Variants in DMD observed in about 807,000 individuals in gnomAD.
DMD encodes mutant dystrophin.
In DMD, 63 loss-of-function variants were observed where a neutral mutation model predicts 330.1. That is an observed-to-expected ratio of 0.19 (90% CI 0.16 to 0.24). The LOEUF (loss-of-function observed/expected upper bound fraction) is 0.24, where lower values mean the gene tolerates loss of function less well. Among genes scored for constraint, DMD ranks in the 10% least tolerant of loss-of-function variants. DMD has a pLI of 1.00. For synonymous variants in DMD, 1,223 were observed against 959.8 expected, an observed-to-expected ratio of 1.27 and a Z score of -5.07; for missense variants, 3,344 against 2,684.1, an observed-to-expected ratio of 1.25 and a Z score of -5.43.
Position 32,732,632 on chromosome X carries a change from T to G in DMD, c.650-33339A>C, listed in dbSNP as rs778437851. On this transcript the variant is annotated intron_variant, in intron 7 of 78. Transcript: ENST00000357033. The stretch of plus-strand genomic sequence containing the variant: ...TCAACATTCTTAAAGAAAAGAATTT[T>G]CAACCCAGAATTTCACATCCAGGCA... Among the ~76,000 whole-genome samples the G allele has an allele frequency of 2.0e-3, 219 of 111,229 alleles. 2 individuals carry two copies. The highest frequency in any genetic ancestry group is 1.8e-3 in the Non-Finnish European group (95 of 53,078).
intron 7 of DMD, among the ~76,000 whole-genome samples, chrX:32,708,963 A>T (rs573498905): frequency 2.7e-5 from 3 of 112,345 alleles, no homozygotes; most frequent in African/African-American, 9.7e-5. Flanking sequence ...CTGAAAACTG[A>T]AACCAGTGGA....
intron 50 of DMD, among the ~76,000 whole-genome samples, chrX:31,805,891 T>G (rs2092275792): frequency 8.9e-6 from 1 of 112,385 alleles, no homozygotes; most frequent in African/African-American, 3.2e-5. Context: ...TGACTAGTAT[T>G]TATCTAAAAC....
intron 52 of DMD, among the ~76,000 whole-genome samples, chrX:31,723,383 A>G (rs1224572540): frequency 5.4e-5 from 6 of 110,657 alleles, no homozygotes. Context: ...CCTTATCCTG[A>G]GTTTGTCTCT....
intron 26 of DMD, among the ~76,000 whole-genome samples, chrX:32,450,197 A>G (rs1467067197): frequency 9.0e-6 from 1 of 110,752 alleles, no homozygotes; most frequent in African/African-American, 3.3e-5. Context: ...CCTGCATACA[A>G]TGCGGTGGTT....
At chrX:31,233,713 A>G (rs927822977) in intron 63 of DMD, among the ~76,000 whole-genome samples, 6 of 111,681 alleles carry the variant, frequency 5.4e-5, no homozygotes, top group African/African-American at 2.0e-4. Flanking sequence ...AATTTTCCTA[A>G]AGGCTACCTT....
In DMD at chrX:32,775,930, G is replaced by T. The variant is rs765468046; in HGVS notation, c.649+33563C>A. Among the ~76,000 whole-genome samples the T allele has an allele frequency of 8.0e-5, 9 of 112,324 alleles. No individual in the cohort carries two copies. In the East Asian group the frequency reaches 2.5e-3, roughly 31 times the overall value. ...TGCTCTGCTTTCCTTTTAAAGAAAA[G>T]TTCCCATTTCAGATAATCTCTCTGT... On this transcript the variant is annotated intron_variant, in intron 7 of 78. Transcript: ENST00000357033.
At chrX:32,778,697 A>G (rs1327813575) in intron 7 of DMD, among the ~76,000 whole-genome samples, 2 of 111,434 alleles carry the variant, frequency 1.8e-5, no homozygotes, top group East Asian at 5.6e-4. Context: ...CCATTCTTCA[A>G]AGCGAACAAC....
At chrX:33,149,228 G>C (rs1236258322) in intron 1 of DMD, among the ~76,000 whole-genome samples, 2 of 111,469 alleles carry the variant, frequency 1.8e-5, no homozygotes, top group Non-Finnish European at 3.8e-5. Flanking sequence ...ATCTGGGCAT[G>C]ACGGGAGACA....
chrX:32,797,566 C>A (rs2076265971), intron 7 of DMD, among the ~76,000 whole-genome samples: 1 of 111,983 alleles, frequency 8.9e-6, no homozygotes, highest in Non-Finnish European at 1.9e-5. Flanking sequence ...TCATGTATTC[C>A]TTCATAGCTG....
At chrX:32,608,068 T>C (rs2149323583) in intron 12 of DMD, among the ~76,000 whole-genome samples, 1 of 110,305 alleles carries the variant, frequency 9.1e-6, no homozygotes, top group Non-Finnish European at 1.9e-5. Context: ...ACCGATATAC[T>C]GTCAAACAAA....
chrX:31,797,967 A>G (rs778541713), intron 50 of DMD, among the ~76,000 whole-genome samples: 6 of 112,126 alleles, frequency 5.4e-5, no homozygotes, highest in Non-Finnish European at 1.1e-4. Context: ...AAAAGACTTA[A>G]AGTGAATTTT....
intron 62 of DMD, among the ~76,000 whole-genome samples, chrX:31,267,341 CCCTT>C (rs755137670): frequency 1.9e-4 from 21 of 112,048 alleles, no homozygotes; most frequent in Non-Finnish European, 3.2e-4. Context: ...TTCTCACTCT[CCCTT>C]CCTCCTCAGT....
At chrX:32,419,420 T>A (rs1024367891) in intron 29 of DMD, among the ~76,000 whole-genome samples, 1 of 112,318 alleles carries the variant, frequency 8.9e-6, no homozygotes, top group Non-Finnish European at 1.9e-5. Context: ...CATGTTGCTT[T>A]AACCCACTTT....
intron 19 of DMD, among the ~76,000 whole-genome samples, chrX:32,500,444 A>C (rs1169426209): frequency 8.9e-6 from 1 of 111,816 alleles, no homozygotes; most frequent in Non-Finnish European, 1.9e-5. Context: ...TAATTTCTAA[A>C]TGTTTAAATT....
chrX:32,659,592 G>A, intron 9 of DMD, among the ~76,000 whole-genome samples: 1 of 111,154 alleles, frequency 9.0e-6, no homozygotes, highest in Non-Finnish European at 1.9e-5. Context: ...AGTTTATTTT[G>A]TTCAGCACCT....
chrX:32,923,690 G>C (rs1204632877), intron 2 of DMD, among the ~76,000 whole-genome samples: 1 of 111,998 alleles, frequency 8.9e-6, no homozygotes, highest in African/African-American at 3.2e-5. Context: ...AAAACTTTCT[G>C]TGTAGTGGTG....
At chrX:31,381,733 A>G (rs749996247) in intron 60 of DMD, among the ~76,000 whole-genome samples, 3 of 112,168 alleles carry the variant, frequency 2.7e-5, no homozygotes, top group South Asian at 7.4e-4. Flanking sequence ...CACACCAGCA[A>G]AGGCAGGCTA....
intron 44 of DMD, among the ~76,000 whole-genome samples, chrX:32,081,121 GT>G (rs2096388446): frequency 1.8e-5 from 2 of 112,004 alleles, no homozygotes; most frequent in East Asian, 5.7e-4. Flanking sequence ...CCCTTACCTT[GT>G]GGGAGGTGGC....
rs757934332 is a variant in DMD at position 33,085,180 on chromosome X, G to C, written c.32-64980C>G. On this transcript the variant is annotated intron_variant, in intron 1 of 78. Transcript: ENST00000357033. ...AGTGAGTGTATCAGGGAAATAACTTGTTTGGTGAAAAATGGAATATGGCCT... is the reference window on the plus strand; with the variant it reads ...AGTGAGTGTATCAGGGAAATAACTTCTTTGGTGAAAAATGGAATATGGCCT... Among the ~76,000 whole-genome samples the C allele has an allele frequency of 2.7e-5, 3 of 111,520 alleles. No homozygotes were observed. In the South Asian group the frequency reaches 1.1e-3, roughly 42 times the overall value.
Sources: allele counts gnomAD v4.1 joint callset (sites outside exome capture counted in the v4.1 genomes callset), GRCh38; gene constraint gnomAD v4.1.1; transcripts MANE v1.5; gene names NCBI Gene and HGNC (gene_info 2026-07-23, HGNC 2026-07-21).